Variants in LRRC15 observed in about 807,000 individuals in gnomAD.
LRRC15 encodes leucine-rich repeat-containing protein 15.
LRRC15 carries 5 observed loss-of-function variants against 4.3 expected under a neutral mutation model. That is an observed-to-expected ratio of 1.16 (90% CI 0.61 to 2.44). The LOEUF (loss-of-function observed/expected upper bound fraction) is 2.44. Among genes scored for constraint, LRRC15 ranks in the 30% most tolerant of loss-of-function variants. The pLI is 0.01. For missense variants in LRRC15, 769 were observed against 747.0 expected (o/e 1.03, Z -0.34); for synonymous variants, 337 against 323.2 (o/e 1.04, Z -0.46).
chr3:194,362,976 C>G (rs1040319515), intron 1 of LRRC15, among the ~76,000 whole-genome samples: 1 of 139,438 alleles, frequency 7.2e-6, no homozygotes, highest in African/African-American at 2.8e-5. Flanking sequence ...GAGTCTCGCT[C>G]TGTCCCCCAG....
At chr3:194,361,162 A>G in intron 1 of LRRC15, 116 bp from the exon 2 acceptor site, 1 of 832,054 alleles carries the variant, frequency 1.2e-6, no homozygotes. Context: ...CCATCATCAC[A>G]TACTGAACAC....
chr3:194,364,248 C>T (rs1205437884), intron 1 of LRRC15, among the ~76,000 whole-genome samples: 6 of 152,086 alleles, frequency 3.9e-5, no homozygotes, highest in South Asian at 2.1e-4. Flanking sequence ...ACCAAGACAA[C>T]GGTGCCTGTA....
chr3:194,364,616 C>T (rs1713723796), intron 1 of LRRC15, among the ~76,000 whole-genome samples: 1 of 152,174 alleles, frequency 6.6e-6, no homozygotes, highest in Non-Finnish European at 1.5e-5. Flanking sequence ...CAAGCCAGCC[C>T]AGGAAGGGCT....
rs73081771 is a variant in LRRC15, at chr3:194,358,221, T to C, written c.*1077A>G. On this transcript the variant is annotated 3_prime_UTR_variant, in exon 2 of 2. Coordinates refer to ENST00000347624, the MANE Select transcript of LRRC15 (RefSeq NM_130830.5). ...AAGTCCATCTTCAGAAGCCCCCATC[T>C]CCTCTGGGAAAAGCCCAGGATGGGG... is the stretch of plus-strand genomic sequence containing the variant. The C allele has an allele frequency of 0.015, 2,215 of 152,414 alleles. 53 individuals are homozygous for C. Among genetic ancestry groups the C allele is most frequent in the African/African-American group, 0.05 (2,082 of 41,578 alleles). 9.4% of individuals were successfully genotyped at this position (152,414 alleles called of 1,614,324 possible). A position where few individuals can be genotyped will look rare whatever the true frequency, so the allele number is the denominator to read the frequency against.
In LRRC15 at chr3:194,355,784, A is replaced by G. The variant is rs536279463; in HGVS notation, c.*3514T>C. 5.9e-5 allele frequency: 9 copies of G among 152,354 alleles called. No individual in the cohort carries two copies. In the South Asian group the frequency reaches 8.3e-4, roughly 14 times the overall value. 9.4% of individuals were successfully genotyped at this position (152,354 alleles called of 1,614,324 possible). ...AGTTCTTTCCCAATAGCTCTACATC[A>G]GCATCTGAAAGGTTGTGGAAATTGT... On this transcript the variant is annotated 3_prime_UTR_variant, in exon 2 of 2. Coordinates refer to ENST00000347624, the MANE Select transcript of LRRC15 (RefSeq NM_130830.5).
Position 194,359,163 on chromosome 3 carries a change from G to A in LRRC15, c.*135C>T, listed in dbSNP as rs540985744. 6.3e-6 allele frequency: 5 copies of A among 797,360 alleles called. No homozygotes were observed. Among genetic ancestry groups the A allele is most frequent in the East Asian group, 2.6e-5 (1 of 38,160 alleles). 49.4% of individuals were successfully genotyped at this position (797,360 alleles called of 1,614,324 possible). A position where few individuals can be genotyped will look rare whatever the true frequency, so the allele number is the denominator to read the frequency against. On this transcript the variant is annotated 3_prime_UTR_variant, in exon 2 of 2. Coordinates refer to ENST00000347624, the MANE Select transcript of LRRC15 (RefSeq NM_130830.5). ...GGGAGAATCAGGCAAGTCAGGAAGA[G>A]GTAGGCTCACCTTTCTCTGGGGCCA...
intron 1 of LRRC15, among the ~76,000 whole-genome samples, chr3:194,362,408 A>G (rs1713656078): frequency 6.6e-6 from 1 of 152,140 alleles, no homozygotes; most frequent in Non-Finnish European, 1.5e-5. Flanking sequence ...TGGACCCTAT[A>G]GACTCCTCAA....
intron 1 of LRRC15, chr3:194,363,319 A>G (rs368754117): frequency 4.3e-6 from 3 of 705,236 alleles, no homozygotes; most frequent in African/African-American, 1.8e-5. Context: ...TTGACTAAGC[A>G]TATAGAACAA....
Position 194,359,994 on chromosome 3 carries a change from G to C in LRRC15, c.1050C>G (p.Thr350=). 1 of 1,614,210 alleles carries C rather than the reference G, an allele frequency of 6.2e-7. No homozygotes were observed. Among genetic ancestry groups the C allele is most frequent in the Non-Finnish European group, 8.5e-7 (1 of 1,180,040 alleles). The part of the protein sequence containing the change: ...LTELRELSLH[T]NALQDLDGNV... ...TCCCGTCCAGGTCCTGCAGTGCGTT[G>C]GTGTGGAGGGACAGCTCCCGAAGCT... Residue 350 remains threonine (T), a synonymous_variant, in exon 2 of 2, where the codon ACC becomes ACG. Coordinates refer to ENST00000347624, the MANE Select transcript of LRRC15 (RefSeq NM_130830.5).
intron 1 of LRRC15, among the ~76,000 whole-genome samples, chr3:194,369,063 T>C (rs556652721): frequency 6.6e-6 from 1 of 152,286 alleles, no homozygotes; most frequent in South Asian, 2.1e-4. Context: ...GAATTCCAAA[T>C]TGGAACTGCA....
chr3:194,364,623 G>A (rs1713723874), intron 1 of LRRC15, among the ~76,000 whole-genome samples: 1 of 152,160 alleles, frequency 6.6e-6, no homozygotes, highest in South Asian at 2.1e-4. Context: ...GCCCAGGAAG[G>A]GCTTGTGCCA....
In LRRC15 at chr3:194,358,388, AC is replaced by A. The variant is rs1713494242; in HGVS notation, c.*909del. 1.3e-5 allele frequency: 2 copies of A among 152,340 alleles called. No individual in the cohort carries two copies. The highest frequency in any genetic ancestry group is 6.5e-5 in the Admixed American group (1 of 15,314). 9.4% of individuals were successfully genotyped at this position (152,340 alleles called of 1,614,324 possible). The stretch of plus-strand genomic sequence containing the variant: ...ACATGCTTCAATTAAAAATTTTAAA[AC>A]AAACTCTAGGGGTGAACACAGGGAC... On this transcript the variant is annotated 3_prime_UTR_variant, in exon 2 of 2. Coordinates refer to ENST00000347624, the MANE Select transcript of LRRC15 (RefSeq NM_130830.5).
Position 194,359,675 on chromosome 3 carries a change from C to T in LRRC15, c.1369G>A (p.Ala457Thr), listed in dbSNP as rs547023761. 1.2e-5 allele frequency: 20 copies of T among 1,614,180 alleles called. No homozygotes were observed. In the East Asian group the frequency reaches 2.7e-4, roughly 22 times the overall value. ...ATGAGGGACTGGCCTCGGACATTGG[C>T]TGGGCTGAAACACACAGGTACAGTG... ...TDTVPVCFSP[A>T]NVRGQSLIII... Residue 457 changes from alanine to threonine, a missense_variant, in exon 2 of 2, where the codon GCC (alanine) becomes ACC (threonine). Transcript: ENST00000347624.
intron 1 of LRRC15, among the ~76,000 whole-genome samples, chr3:194,361,471 C>T (rs539802381): frequency 1.1e-4 from 16 of 152,336 alleles, no homozygotes; most frequent in Non-Finnish European, 1.5e-4. Context: ...AAGCTTTCCA[C>T]GGACAGGGAG....
rs1351343701 is a variant in LRRC15 at position 194,359,580 on chromosome 3, T to A, written c.1464A>T (p.Pro488=). Residue 488 remains proline (P), a synonymous_variant, in exon 2 of 2, where the codon CCA becomes CCT. Coordinates refer to ENST00000347624, the MANE Select transcript of LRRC15 (RefSeq NM_130830.5). ...GGTAACTGGGTGTGTCTGGGTACCA[T>A]GGTGTTTCTGGGTAACTAGGCACCT... ...VPEVPSYPET[P]WYPDTPSYPD... 6.2e-7 allele frequency: 1 copy of A among 1,613,872 alleles called. No homozygotes were observed. Among genetic ancestry groups the A allele is most frequent in the Non-Finnish European group, 8.5e-7 (1 of 1,179,896 alleles).
At chr3:194,361,070 G>A (rs536906166) in intron 1 of LRRC15, 24 bp from the exon 2 acceptor site, 37 of 1,483,064 alleles carry the variant, frequency 2.5e-5, no homozygotes, top group Admixed American at 7.2e-5. Flanking sequence ...GAGAGCACAC[G>A]TTAGTCAGGG....
chr3:194,363,446 T>G, intron 1 of LRRC15: 1 of 670,012 alleles, frequency 1.5e-6, no homozygotes, highest in Non-Finnish European at 2.7e-6. Flanking sequence ...TAGACAAATG[T>G]CAGGTCCAGA....
intron 1 of LRRC15, among the ~76,000 whole-genome samples, 161 bp from the exon 2 acceptor site, chr3:194,361,207 C>T (rs935426545): frequency 6.6e-6 from 1 of 152,254 alleles, no homozygotes; most frequent in Non-Finnish European, 1.5e-5. Context: ...AGCCTCTGCA[C>T]CTTTGCCCTG....
Position 194,360,512 on chromosome 3 carries a change from G to A in LRRC15, c.532C>T (p.Leu178Phe). The change falls in exon 2 of 2, where the codon CTC becomes TTC. Residue 178 changes from leucine to phenylalanine, a missense_variant. Coordinates refer to ENST00000347624, the MANE Select transcript of LRRC15 (RefSeq NM_130830.5). ...AFDHLVGLTK[L>F]NLGKNSLTHI... is the part of the protein sequence containing the mutation. Reference sequence around the variant, plus strand: ...GTGAGGCTATTCTTGCCCAGATTGAGCTTCGTGAGTCCTACCAGGTGGTCG... The same window carrying A: ...GTGAGGCTATTCTTGCCCAGATTGAACTTCGTGAGTCCTACCAGGTGGTCG... 1 of 1,614,178 alleles carries A rather than the reference G, an allele frequency of 6.2e-7. No homozygotes were observed. The highest frequency in any genetic ancestry group is 8.5e-7 in the Non-Finnish European group (1 of 1,180,026).
Sources: allele counts gnomAD v4.1 joint callset (sites outside exome capture counted in the v4.1 genomes callset), GRCh38; gene constraint gnomAD v4.1.1; transcripts MANE v1.5; gene names NCBI Gene and HGNC (gene_info 2026-07-23, HGNC 2026-07-21).